DET1: variants seen among roughly 807,000 people sequenced by gnomAD.
The protein encoded by DET1 is DET1 homolog.
Under a neutral mutation model 43.7 loss-of-function variants are expected in DET1, and 22 were observed. The observed-to-expected ratio is 0.50, with a 90% CI of 0.36 to 0.72. The LOEUF (loss-of-function observed/expected upper bound fraction) is 0.72, where lower values mean the gene tolerates loss of function less well. Among genes scored for constraint, DET1 ranks in the 30% least tolerant of loss-of-function variants. DET1 has a pLI of 0.00. For missense variants in DET1, 713 were observed against 713.3 expected (o/e 1.00, Z 0.00); for synonymous variants, 315 against 266.2 (o/e 1.18, Z -1.79).
intron 1 of DET1, among the ~76,000 whole-genome samples, chr15:88,546,063 A>C (rs947415374): frequency 1.3e-5 from 2 of 151,894 alleles, no homozygotes; most frequent in East Asian, 1.9e-4. Flanking sequence ...AAATTGTTTT[A>C]ACTAGACCCC....
chr15:88,510,639 T>A (rs536771681), downstream of DET1, among the ~76,000 whole-genome samples: 267 of 152,288 alleles, frequency 1.8e-3, 2 homozygotes, highest in Middle Eastern at 0.01. Context: ...GTCCTTAAGA[T>A]GGGATTATGC....
At position 88,531,436 on chromosome 15, in the gene DET1, G is replaced by A. The variant is rs754302855; in HGVS notation, c.270C>T (p.Cys90=). 9 of 1,614,038 alleles carry A rather than the reference G, an allele frequency of 5.6e-6. No homozygotes were observed. The East Asian group carries it at 2.0e-4, about 36-fold the overall frequency. Residue 90 remains cysteine, a synonymous_variant, in exon 2 of 5, where the codon TGC becomes TGT. Coordinates refer to ENST00000268148, the MANE Select transcript of DET1 (RefSeq NM_001144074.3). The surrounding 1 kb of genome is among the most constrained non-coding windows in gnomAD (Gnocchi z 6.2). ...TSLEIYEYQG[C]QAAEDLLQGY... The stretch of plus-strand genomic sequence containing the variant: ...CCTGCAGTAGGTCCTCTGCTGCCTG[G>A]CAGCCCTGGTACTCATAGATTTCAA...
chr15:88,545,608 T>C (rs1035893620), intron 1 of DET1, among the ~76,000 whole-genome samples: 7 of 151,996 alleles, frequency 4.6e-5, no homozygotes, highest in African/African-American at 1.7e-4. Context: ...ATTAAATTGG[T>C]TTCTTAATTT....
chr15:88,523,155 CA>C (rs916020222), intron 3 of DET1, among the ~76,000 whole-genome samples: 1 of 152,136 alleles, frequency 6.6e-6, no homozygotes, highest in African/African-American at 2.4e-5. Flanking sequence ...GGATAAAAGG[CA>C]TAAGCCACCA....
chr15:88,533,518 G>A (rs1845143996), intron 1 of DET1, among the ~76,000 whole-genome samples: 1 of 152,128 alleles, frequency 6.6e-6, no homozygotes, highest in South Asian at 2.1e-4. Context: ...GTAGTCAAGA[G>A]ATGGAAGCAA....
chr15:88,505,259 A>C (rs1038065488), intron 7 of DET1: 1 of 152,170 alleles, frequency 6.6e-6, no homozygotes, highest in Non-Finnish European at 1.5e-5. Flanking sequence ...GGATGGGTCA[A>C]CTTCTCCTTT....
chr15:88,511,667 CAT>C, downstream of DET1: 1 of 955,162 alleles, frequency 1.0e-6, no homozygotes, highest in African/African-American at 1.8e-5. Flanking sequence ...GGCATCCTGA[CAT>C]AGTTTCCACT....
chr15:88,517,468 T>C (rs891015694), intron 3 of DET1, among the ~76,000 whole-genome samples: 1 of 152,196 alleles, frequency 6.6e-6, no homozygotes, highest in South Asian at 2.1e-4. Context: ...TCAACTGATC[T>C]GCCCGCCTTG....
At chr15:88,546,196 G>A (rs536154035) in intron 1 of DET1, 1 of 153,790 alleles carries the variant, frequency 6.5e-6, no homozygotes, top group Admixed American at 6.5e-5. Flanking sequence ...TCGTCTCAAA[G>A]TGTGGCGTTT....
intron 4 of DET1, among the ~76,000 whole-genome samples, chr15:88,515,537 TTA>T (rs770225467): frequency 0.02 from 213 of 10,486 alleles, 61 homozygotes; most frequent in African/African-American, 0.064. Context: ...AGACTCCGTC[TTA>T]TAAAAAAAAA....
intron 3 of DET1, among the ~76,000 whole-genome samples, chr15:88,519,324 AT>A (rs1203317263): frequency 6.6e-6 from 1 of 151,944 alleles, no homozygotes; most frequent in Non-Finnish European, 1.5e-5. Flanking sequence ...GTTCTCGGTA[AT>A]TTCAAAATCC....
intron 3 of DET1, among the ~76,000 whole-genome samples, chr15:88,526,484 A>T (rs1297899594): frequency 6.6e-6 from 1 of 152,188 alleles, no homozygotes; most frequent in Non-Finnish European, 1.5e-5. Context: ...GGCCTTGCTG[A>T]CTGTGGGGTA....
intron 7 of DET1, among the ~76,000 whole-genome samples, chr15:88,507,104 C>G (rs895240359): frequency 5.9e-5 from 9 of 152,150 alleles, no homozygotes; most frequent in African/African-American, 2.2e-4. Context: ...TGAGTGCTTC[C>G]CCTCTGCTCT....
At chr15:88,534,452 G>C (rs890094868) in intron 1 of DET1, among the ~76,000 whole-genome samples, 10 of 152,180 alleles carry the variant, frequency 6.6e-5, no homozygotes, top group Non-Finnish European at 1.5e-5. Flanking sequence ...TGCTTGAAGA[G>C]CAAGTGTGTT....
At position 88,536,378 on chromosome 15, in the gene DET1, G is replaced by A. The variant is rs527830851; in HGVS notation, c.-10-4663C>T. 25 of 772,016 alleles carry A rather than the reference G, an allele frequency of 3.2e-5. No homozygotes were observed. In the South Asian group the frequency reaches 3.4e-4, roughly 11 times the overall value. The allele number at this position is 772,016 out of a possible 1,614,324, so 47.8% of individuals were successfully genotyped here. On this transcript the variant is annotated intron_variant, in intron 1 of 4. Transcript: ENST00000268148. ...GGTCTAATTCCTTGCTGTATTCCCA[G>A]CACCTAGGAGAAGGGACAGTTAAGC... is the stretch of plus-strand genomic sequence containing the variant.
chr15:88,541,500 A>G (rs1433026663), intron 1 of DET1, among the ~76,000 whole-genome samples: 3 of 152,108 alleles, frequency 2.0e-5, no homozygotes, highest in Non-Finnish European at 2.9e-5. Context: ...ACAGGTGTGT[A>G]GGGGCAACCC....
At chr15:88,518,014 G>A (rs2142267453) in intron 3 of DET1, among the ~76,000 whole-genome samples, 1 of 152,088 alleles carries the variant, frequency 6.6e-6, no homozygotes, top group African/African-American at 2.4e-5. Context: ...CCAGCTTACT[G>A]CAACCTCCAC....
chr15:88,521,538 C>T (rs2056489806), intron 3 of DET1, among the ~76,000 whole-genome samples: 1 of 152,186 alleles, frequency 6.6e-6, no homozygotes. Flanking sequence ...CTATTTCCTA[C>T]ATACCATTCT....
intron 4 of DET1, among the ~76,000 whole-genome samples, chr15:88,515,931 TA>T (rs147140535): frequency 6.6e-6 from 1 of 152,010 alleles, no homozygotes; most frequent in Non-Finnish European, 1.5e-5. Context: ...CTTTCCATAA[TA>T]AAAAAAATAT....
Sources: allele counts gnomAD v4.1 joint callset (sites outside exome capture counted in the v4.1 genomes callset), GRCh38; gene constraint gnomAD v4.1.1; non-coding constraint Gnocchi (gnomAD v3.1); transcripts MANE v1.5; gene names NCBI Gene and HGNC (gene_info 2026-07-23, HGNC 2026-07-21).